The following MKLN1 variants were observed in gnomAD, a reference collection of about 807,000 sequenced individuals.
MKLN1 encodes the protein muskelin.
MKLN1 carries 18 observed loss-of-function variants against 99.0 expected under a neutral mutation model. The observed-to-expected ratio is 0.18, with a 90% confidence interval of 0.13 to 0.27. MKLN1 has a LOEUF of 0.27. MKLN1 is among the 10% of genes least tolerant of loss of function. The pLI is 1.00. For synonymous variants in MKLN1, 288 were observed against 293.2 expected, an observed-to-expected ratio of 0.98 and a Z score of 0.18; for missense variants, 621 against 875.9, an observed-to-expected ratio of 0.71 and a Z score of 3.67.
rs1795906163 is a variant in MKLN1 at position 131,443,559 on chromosome 7, A to G, written c.1252A>G (p.Ser418Gly). 7 of 1,614,180 alleles carry G rather than the reference A, an allele frequency of 4.3e-6. No homozygotes were observed. The highest frequency in any genetic ancestry group is 1.6e-4 in the Middle Eastern group (1 of 6,062). Residue 418 changes from serine (S) to glycine (G), a missense_variant, in exon 11 of 18, where the codon AGC (serine) becomes GGC (glycine). By Grantham distance (56) the Ser-to-Gly change is moderately conservative. Around this residue, in one of 8 missense-constraint regions of MKLN1, gnomAD observed 361 missense variants for 540.8 expected, o/e 0.67. Coordinates refer to ENST00000352689, the MANE Select transcript of MKLN1 (RefSeq NM_013255.5). ...GACTTGTAATGGCAGCGTAGATGAC[A>G]GCAGAGCCAGTGAACCACAATTCAG... ...ILTCNGSVDDSRASEPQFSGL... is the reference protein window; with the variant it reads ...ILTCNGSVDDGRASEPQFSGL...
intron 2 of MKLN1, among the ~76,000 whole-genome samples, chr7:131,386,852 G>A (rs1794042997): frequency 6.6e-6 from 1 of 152,178 alleles, no homozygotes; most frequent in Admixed American, 6.5e-5. Context: ...TTGATTAGAA[G>A]TTATCTCACT....
intron 3 of MKLN1, among the ~76,000 whole-genome samples, chr7:131,276,022 A>AAGAAG (rs905390850): frequency 7.2e-5 from 11 of 152,130 alleles, no homozygotes; most frequent in African/African-American, 2.7e-4. Flanking sequence ...TACATAGGGG[A>AAGAAG]AGAAGGGAGG....
At chr7:131,403,236 G>A (rs1272315757) in intron 6 of MKLN1, among the ~76,000 whole-genome samples, 2 of 152,116 alleles carry the variant, frequency 1.3e-5, no homozygotes, top group Non-Finnish European at 2.9e-5. Context: ...ATGTTACAGA[G>A]GTGGCTTCTT....
At chr7:131,436,880 C>T (rs1795690262) in intron 9 of MKLN1, among the ~76,000 whole-genome samples, 1 of 152,044 alleles carries the variant, frequency 6.6e-6, no homozygotes, top group South Asian at 2.1e-4. Flanking sequence ...TATTTATTTA[C>T]TGTAGCTGTG....
chr7:131,430,016 C>T (rs1795477473), intron 9 of MKLN1, among the ~76,000 whole-genome samples: 1 of 152,090 alleles, frequency 6.6e-6, no homozygotes, highest in Non-Finnish European at 1.5e-5. Context: ...TGATTATATC[C>T]TGGAATAAAG....
chr7:131,191,451 G>A (rs774430734), intron 2 of MKLN1, among the ~76,000 whole-genome samples: 10 of 152,192 alleles, frequency 6.6e-5, no homozygotes, highest in Non-Finnish European at 1.2e-4. Context: ...AATATTGAGG[G>A]AAGACTGTTG....
intron 2 of MKLN1, among the ~76,000 whole-genome samples, chr7:131,168,015 G>A (rs943494833): frequency 6.6e-6 from 1 of 152,106 alleles, no homozygotes; most frequent in Admixed American, 6.5e-5. Context: ...AAATGAATTA[G>A]GCTAATGGAA....
chr7:131,155,366 C>T (rs1470857380), intron 2 of MKLN1, among the ~76,000 whole-genome samples: 6 of 152,132 alleles, frequency 3.9e-5, no homozygotes, highest in Non-Finnish European at 8.8e-5. Context: ...GCTTGTCAAA[C>T]TTAATGTATT....
At chr7:131,337,636 G>T (rs1020840771) in intron 1 of MKLN1, among the ~76,000 whole-genome samples, 2 of 151,748 alleles carry the variant, frequency 1.3e-5, no homozygotes, top group Non-Finnish European at 2.9e-5. Flanking sequence ...TAAAGTCTGT[G>T]TCTGAAAACT....
chr7:131,210,159 C>A (rs11489669), intron 3 of MKLN1, among the ~76,000 whole-genome samples: 3,635 of 152,216 alleles, frequency 0.024, 136 homozygotes, highest in African/African-American at 0.082. Flanking sequence ...AAAGTGACTG[C>A]CTAATTTCTT....
intron 2 of MKLN1, among the ~76,000 whole-genome samples, chr7:131,158,075 C>T (rs908240887): frequency 6.6e-6 from 1 of 152,064 alleles, no homozygotes; most frequent in Admixed American, 6.6e-5. Context: ...TGGAAACGGG[C>T]GTTTTGCCAT....
intron 2 of MKLN1, among the ~76,000 whole-genome samples, chr7:131,376,140 G>GTATGTATGTATGT (rs71174943): frequency 1.4e-3 from 172 of 124,192 alleles, no homozygotes; most frequent in South Asian, 3.7e-3. Flanking sequence ...ATATATGTAT[G>GTATGTATGTATGT]ATGTATGTAT....
At position 131,111,497 on chromosome 7, in the gene MKLN1, G is replaced by A. The variant is rs76140042; in HGVS notation, c.-419+1290G>A. Among the ~76,000 whole-genome samples the A allele has an allele frequency of 6.4e-3, 968 of 152,242 alleles. 5 individuals carry two copies. The highest frequency in any genetic ancestry group is 6.6e-3 in the Non-Finnish European group (447 of 68,018). On this transcript the variant is annotated intron_variant, in intron 1 of 7. Coordinates refer to the MKLN1 transcript ENST00000416992. ...ATATTTGGTCTCGTAGCACTAGCTG[G>A]TAAAACATTATCAAACTGATCCTCT... is the stretch of plus-strand genomic sequence containing the variant.
At chr7:131,451,460 T>A (rs985675225) in intron 12 of MKLN1, among the ~76,000 whole-genome samples, 2 of 152,156 alleles carry the variant, frequency 1.3e-5, no homozygotes, top group African/African-American at 2.4e-5. Flanking sequence ...AATAGTAAAA[T>A]TACTGCTGTT....
chr7:131,450,196 A>G (rs1796139353), intron 12 of MKLN1, among the ~76,000 whole-genome samples: 1 of 152,182 alleles, frequency 6.6e-6, no homozygotes, highest in Admixed American at 6.5e-5. Context: ...CCACACTGCA[A>G]GCAGGATACA....
At chr7:131,172,833 C>T (rs1259617116) in intron 2 of MKLN1, among the ~76,000 whole-genome samples, 1 of 152,182 alleles carries the variant, frequency 6.6e-6, no homozygotes, top group Non-Finnish European at 1.5e-5. Flanking sequence ...ACCACTTATA[C>T]TTGATCCATA....
intron 8 of MKLN1, among the ~76,000 whole-genome samples, chr7:131,419,798 G>A (rs1795137540): frequency 6.6e-6 from 1 of 152,152 alleles, no homozygotes; most frequent in Non-Finnish European, 1.5e-5. Context: ...GGGAAGAGGT[G>A]AAATCAGAGA....
At chr7:131,174,953 TGATAGATAGATAGATAGATAGATA>T (rs150554970) in intron 2 of MKLN1, among the ~76,000 whole-genome samples, 30 of 140,992 alleles carry the variant, frequency 2.1e-4, no homozygotes, top group African/African-American at 7.0e-4. Context: ...AACTGGTAGA[TGATAGATAGATAGATAGATAGATA>T]GATAGATAGA....
chr7:131,405,293 T>G (rs1411043113), intron 6 of MKLN1, among the ~76,000 whole-genome samples: 2 of 151,866 alleles, frequency 1.3e-5, no homozygotes, highest in African/African-American at 4.8e-5. Flanking sequence ...CAATTTTTGG[T>G]TTGTTCATCT....
Sources: gnomAD v4.1 joint callset for allele counts (sites outside exome capture counted in the v4.1 genomes callset) on GRCh38, gnomAD v4.1.1 for gene constraint, gnomAD v4.1.1 regional missense constraint, MANE v1.5 for transcripts, NCBI Gene and HGNC (gene_info 2026-07-23, HGNC 2026-07-21) for gene names.